PTPRD: variants seen among roughly 807,000 people sequenced by gnomAD.
PTPRD encodes the protein protein tyrosine phosphatase receptor type D.
In PTPRD, 34 loss-of-function variants were observed where a neutral mutation model predicts 214.5. That is an observed-to-expected ratio of 0.16 (90% CI 0.12 to 0.21). The LOEUF is 0.21. Among genes scored for constraint, PTPRD ranks in the 10% least tolerant of loss-of-function variants. PTPRD has a pLI of 1.00. For synonymous variants in PTPRD, 1,128 were observed against 845.7 expected (o/e 1.33, Z -5.79); for missense variants, 2,545 against 2,398.7 (o/e 1.06, Z -1.27).
At chr9:8,477,187 C>T (rs1038492392) in intron 30 of PTPRD, among the ~76,000 whole-genome samples, 1 of 151,778 alleles carries the variant, frequency 6.6e-6, no homozygotes, top group African/African-American at 2.4e-5. Flanking sequence ...ACTCAATATT[C>T]TGCTTTGCCC....
intron 12 of PTPRD, among the ~76,000 whole-genome samples, chr9:8,696,149 C>T (rs1437154829): frequency 6.6e-6 from 1 of 152,154 alleles, no homozygotes; most frequent in African/African-American, 2.4e-5. Flanking sequence ...ACACCACCTT[C>T]ACGTTATGTT....
Position 8,432,737 on chromosome 9 carries a change from C to A in PTPRD, c.4086+3855G>T, listed in dbSNP as rs559683753. 9.9e-5 allele frequency among the ~76,000 whole-genome samples: 15 copies of A among 152,260 alleles called. 2 individuals are homozygous for A. In the South Asian group the frequency reaches 3.1e-3, roughly 32 times the overall value. On this transcript the variant is annotated intron_variant, in intron 35 of 45. Transcript: ENST00000381196. ...TAAATTTTTATGTTGAGGTCTTAAT[C>A]CTATTATCACAGTTGAATACAACAC...
At chr9:9,236,995 G>A (rs1378097253) in intron 9 of PTPRD, among the ~76,000 whole-genome samples, 1 of 152,086 alleles carries the variant, frequency 6.6e-6, no homozygotes. Context: ...TTTTTGTCTG[G>A]AATTACTTGT....
intron 4 of PTPRD, among the ~76,000 whole-genome samples, chr9:9,999,270 G>C (rs1004560168): frequency 3.9e-5 from 6 of 152,164 alleles, no homozygotes; most frequent in Non-Finnish European, 8.8e-5. Flanking sequence ...AAAAAGCTAA[G>C]GGAGCAACCC....
At chr9:9,450,954 C>CACACACACACAG (rs537241986) in intron 8 of PTPRD, among the ~76,000 whole-genome samples, 1,971 of 148,114 alleles carry the variant, frequency 0.013, 50 homozygotes, top group African/African-American at 0.046. Flanking sequence ...CATACATACA[C>CACACACACACAG]ACACACACAC....
chr9:9,292,144 C>A (rs543924431), intron 9 of PTPRD, among the ~76,000 whole-genome samples: 1 of 150,258 alleles, frequency 6.7e-6, no homozygotes, highest in African/African-American at 2.4e-5. Context: ...ATCCTGAAAA[C>A]GTTTCATTCT....
At chr9:9,199,521 G>A (rs1042623189) in intron 9 of PTPRD, among the ~76,000 whole-genome samples, 15 of 152,004 alleles carry the variant, frequency 9.9e-5, no homozygotes, top group African/African-American at 1.7e-4. Flanking sequence ...ATGAAAATAA[G>A]ACCAGACTAA....
intron 8 of PTPRD, among the ~76,000 whole-genome samples, chr9:9,572,594 T>C (rs1212700696): frequency 6.8e-6 from 1 of 146,108 alleles, no homozygotes; most frequent in Non-Finnish European, 1.5e-5. Flanking sequence ...TATATATATG[T>C]ATATGTGTAT....
chr9:8,888,182 G>C (rs1587421447), intron 11 of PTPRD, among the ~76,000 whole-genome samples: 2 of 152,120 alleles, frequency 1.3e-5, no homozygotes, highest in Non-Finnish European at 2.9e-5. Flanking sequence ...GAACTTACAA[G>C]TGAGATCATC....
chr9:9,360,382 G>C (rs2138983863), intron 9 of PTPRD, among the ~76,000 whole-genome samples: 1 of 151,276 alleles, frequency 6.6e-6, no homozygotes, highest in South Asian at 2.1e-4. Context: ...TTTTACCTTA[G>C]ACTTAGGCAA....
intron 39 of PTPRD, among the ~76,000 whole-genome samples, chr9:8,373,767 G>C (rs1222965972): frequency 6.6e-6 from 1 of 151,324 alleles, no homozygotes; most frequent in Non-Finnish European, 1.5e-5. Flanking sequence ...CCCATACCTT[G>C]CTTATAATCT....
intron 11 of PTPRD, among the ~76,000 whole-genome samples, chr9:8,987,617 T>C (rs2099350810): frequency 6.6e-6 from 1 of 152,084 alleles, no homozygotes; most frequent in Non-Finnish European, 1.5e-5. Context: ...TGGGTCTTTA[T>C]GTATGTGTGT....
At chr9:9,345,629 A>G (rs1241557780) in intron 9 of PTPRD, among the ~76,000 whole-genome samples, 3 of 152,188 alleles carry the variant, frequency 2.0e-5, no homozygotes, top group Non-Finnish European at 4.4e-5. Context: ...CCATATGGCT[A>G]GATTAGCATT....
chr9:9,888,284 ACT>A (rs1352473599), intron 5 of PTPRD, among the ~76,000 whole-genome samples: 1 of 152,040 alleles, frequency 6.6e-6, no homozygotes, highest in Non-Finnish European at 1.5e-5. Flanking sequence ...GAAGAGCGAG[ACT>A]CTCCTGAGGA....
rs1591651573 is a variant in PTPRD at position 9,102,622 on chromosome 9, T to C, written c.-143+80682A>G. Reference sequence around the variant, plus strand: ...TTTCCCACCAGGGTGGCTGATTACGTAGATAATTTAGCCCATGTGGAAAAA... The same window carrying C: ...TTTCCCACCAGGGTGGCTGATTACGCAGATAATTTAGCCCATGTGGAAAAA... On this transcript the variant is annotated intron_variant, in intron 10 of 45. Coordinates refer to ENST00000381196, the MANE Select transcript of PTPRD (RefSeq NM_002839.4). 1.3e-5 allele frequency among the ~76,000 whole-genome samples: 2 copies of C among 152,246 alleles called. 1 individual carries two copies. Among genetic ancestry groups the C allele is most frequent in the Admixed American group, 1.3e-4 (2 of 15,278 alleles).
At chr9:9,666,185 T>A (rs1018785332) in intron 7 of PTPRD, among the ~76,000 whole-genome samples, 47 of 152,036 alleles carry the variant, frequency 3.1e-4, no homozygotes, top group Non-Finnish European at 3.8e-4. Flanking sequence ...TTTATAGCAC[T>A]AAAACAGGAA....
At chr9:8,817,106 G>A (rs1453465833) in intron 11 of PTPRD, among the ~76,000 whole-genome samples, 1 of 152,158 alleles carries the variant, frequency 6.6e-6, no homozygotes, top group Non-Finnish European at 1.5e-5. Flanking sequence ...ATCAATTACG[G>A]CCTTAAATTT....
chr9:9,651,253 C>CT (rs2096339257), intron 7 of PTPRD, among the ~76,000 whole-genome samples: 1 of 151,814 alleles, frequency 6.6e-6, no homozygotes. Flanking sequence ...TTTTTTTAAA[C>CT]TTTTAAGTTC....
chr9:9,757,011 T>G (rs1052706844), intron 6 of PTPRD, among the ~76,000 whole-genome samples: 1 of 152,208 alleles, frequency 6.6e-6, no homozygotes, highest in Non-Finnish European at 1.5e-5. Context: ...ATAGAATCAC[T>G]GTTTTCTTCA....
Sources: allele counts gnomAD v4.1 joint callset (sites outside exome capture counted in the v4.1 genomes callset), GRCh38; gene constraint gnomAD v4.1.1; transcripts MANE v1.5; gene names NCBI Gene and HGNC (gene_info 2026-07-23, HGNC 2026-07-21).